Variants in STK39 observed in about 807,000 individuals in gnomAD.
STK39 encodes STE20/SPS1-related proline-alanine-rich protein kinase.
In STK39, 20 loss-of-function variants were observed where a neutral mutation model predicts 77.8. The ratio of observed to expected loss-of-function variants is 0.26; its 90% CI spans 0.18 to 0.37. STK39 has a LOEUF of 0.37. Ranked by LOEUF, STK39 falls within the 10% of genes least tolerant of loss-of-function variation. STK39 has a pLI of 1.00. For synonymous variants in STK39, 246 were observed against 234.1 expected, an observed-to-expected ratio of 1.05 and a Z score of -0.47; for missense variants, 479 against 656.5, an observed-to-expected ratio of 0.73 and a Z score of 2.95.
chr2:168,180,239 C>T (rs749582106), intron 2 of STK39, among the ~76,000 whole-genome samples: 3 of 151,940 alleles, frequency 2.0e-5, no homozygotes, highest in African/African-American at 7.3e-5. Flanking sequence ...CCCAGCTACT[C>T]GGGAGGCTAA....
chr2:168,091,147 G>GGT (rs1293279015), intron 10 of STK39, among the ~76,000 whole-genome samples: 1 of 88,878 alleles, frequency 1.1e-5, no homozygotes, highest in Non-Finnish European at 2.3e-5. Flanking sequence ...AACACAAACA[G>GGT]GTGCACACAC....
Position 167,966,531 on chromosome 2 carries a change from C to T in STK39, c.1499-1805G>A, listed in dbSNP as rs116638604. On this transcript the variant is annotated intron_variant, in intron 16 of 17. Transcript: ENST00000355999. ...GATGATTTACTGCCTTGTTCTGGGT[C>T]ATCTATTTCCAGTCTGCTCTCTAAT... Among the ~76,000 whole-genome samples, 442 of 152,252 alleles carry T rather than the reference C, an allele frequency of 2.9e-3. 2 individuals carry two copies. Among genetic ancestry groups the T allele is most frequent in the African/African-American group, 0.01 (419 of 41,548 alleles).
chr2:168,136,942 T>C (rs2105522782), intron 8 of STK39, among the ~76,000 whole-genome samples: 1 of 152,328 alleles, frequency 6.6e-6, no homozygotes. Flanking sequence ...TAATTCAAGA[T>C]GGCTAATAGC....
At chr2:168,048,949 T>C (rs890769576) in intron 14 of STK39, among the ~76,000 whole-genome samples, 2 of 152,218 alleles carry the variant, frequency 1.3e-5, no homozygotes, top group African/African-American at 4.8e-5. Flanking sequence ...TAATGCATCA[T>C]CTGGCAAATG....
chr2:168,006,157 T>C (rs529655403), intron 16 of STK39, among the ~76,000 whole-genome samples: 1 of 152,284 alleles, frequency 6.6e-6, no homozygotes, highest in Admixed American at 6.5e-5. Flanking sequence ...AGTGGGCACA[T>C]TTCTGAAAGG....
At chr2:168,077,715 T>C (rs1432947706) in intron 10 of STK39, among the ~76,000 whole-genome samples, 1 of 152,112 alleles carries the variant, frequency 6.6e-6, no homozygotes, top group Non-Finnish European at 1.5e-5. Flanking sequence ...CCAGGTTTCA[T>C]GGTGGATTTA....
intron 1 of STK39, among the ~76,000 whole-genome samples, chr2:168,204,021 C>A (rs1689679391): frequency 6.6e-6 from 1 of 152,174 alleles, no homozygotes; most frequent in South Asian, 2.1e-4. Context: ...GGGCCTCCAG[C>A]CACTTGAAAA....
At chr2:168,171,967 C>G (rs926333019) in intron 2 of STK39, among the ~76,000 whole-genome samples, 1 of 151,312 alleles carries the variant, frequency 6.6e-6, no homozygotes, top group South Asian at 2.1e-4. Context: ...ACTGAAGGGC[C>G]GCACTCTATG....
At chr2:167,962,979 G>A (rs1303289151) in intron 17 of STK39, among the ~76,000 whole-genome samples, 1 of 152,212 alleles carries the variant, frequency 6.6e-6, no homozygotes, top group Non-Finnish European at 1.5e-5. Flanking sequence ...AGGAGTGGGG[G>A]CAGACCAGGC....
At chr2:167,970,400 T>C (rs1692300267) in intron 16 of STK39, among the ~76,000 whole-genome samples, 1 of 152,170 alleles carries the variant, frequency 6.6e-6, no homozygotes, top group Non-Finnish European at 1.5e-5. Flanking sequence ...CTTTGTGATA[T>C]CAGTGCCCAG....
intron 1 of STK39, among the ~76,000 whole-genome samples, chr2:168,234,001 C>G (rs1000318355): frequency 1.3e-5 from 2 of 151,726 alleles, no homozygotes; most frequent in African/African-American, 4.9e-5. Context: ...TTTCACCACA[C>G]ACAAGAATAC....
intron 12 of STK39, among the ~76,000 whole-genome samples, chr2:168,070,633 C>G (rs1409835955): frequency 6.9e-6 from 1 of 144,030 alleles, no homozygotes; most frequent in Non-Finnish European, 1.5e-5. Context: ...GTGTGATGTT[C>G]CCCATCCTGT....
chr2:168,139,425 A>ATATATATATATATATATATATATATAT (rs1559115956), intron 7 of STK39, among the ~76,000 whole-genome samples: 8 of 131,804 alleles, frequency 6.1e-5, no homozygotes, highest in African/African-American at 2.6e-4. Context: ...TATATATATA[A>ATATATATATATATATATATATATATAT]AAACAATAAA....
intron 10 of STK39, among the ~76,000 whole-genome samples, chr2:168,084,433 G>T (rs540514418): frequency 2.0e-5 from 3 of 152,320 alleles, no homozygotes; most frequent in African/African-American, 7.2e-5. Flanking sequence ...CTTTCTGAAT[G>T]CCTGACACAT....
intron 2 of STK39, among the ~76,000 whole-genome samples, chr2:168,179,031 G>A (rs906316752): frequency 6.6e-6 from 1 of 152,008 alleles, no homozygotes; most frequent in Admixed American, 6.5e-5. Context: ...GGAGAAACAT[G>A]TCCCAGTGGC....
At chr2:167,992,533 T>C (rs1169939475) in intron 16 of STK39, among the ~76,000 whole-genome samples, 1 of 152,210 alleles carries the variant, frequency 6.6e-6, no homozygotes, top group Non-Finnish European at 1.5e-5. Context: ...AATTTTGGTA[T>C]GCCAACAGAG....
intron 12 of STK39, among the ~76,000 whole-genome samples, chr2:168,073,010 A>G (rs903148446): frequency 6.6e-6 from 1 of 152,214 alleles, no homozygotes; most frequent in African/African-American, 2.4e-5. Flanking sequence ...TTCTTTAATT[A>G]TAAATCAATA....
At chr2:168,041,049 T>C (rs1574414232) in intron 14 of STK39, among the ~76,000 whole-genome samples, 1 of 152,156 alleles carries the variant, frequency 6.6e-6, no homozygotes, top group South Asian at 2.1e-4. Flanking sequence ...GTAAACAAAA[T>C]AGACCTGGTC....
chr2:168,237,947 T>G (rs1328923481), intron 1 of STK39, among the ~76,000 whole-genome samples: 1 of 152,094 alleles, frequency 6.6e-6, no homozygotes, highest in Non-Finnish European at 1.5e-5. Flanking sequence ...ACAGAGATAG[T>G]GACATTGCCT....
Sources: allele counts gnomAD v4.1 joint callset (sites outside exome capture counted in the v4.1 genomes callset), GRCh38; gene constraint gnomAD v4.1.1; transcripts MANE v1.5; gene names NCBI Gene and HGNC (gene_info 2026-07-23, HGNC 2026-07-21).